Variants in PLCB1 observed in about 807,000 individuals in gnomAD.
PLCB1 encodes the protein 1-phosphatidylinositol 4,5-bisphosphate phosphodiesterase beta-1.
In PLCB1, 46 loss-of-function variants were observed where a neutral mutation model predicts 161.8. The ratio of observed to expected loss-of-function variants is 0.28; its 90% confidence interval spans 0.22 to 0.36. PLCB1 has a LOEUF of 0.36. Among genes scored for constraint, PLCB1 ranks in the 10% least tolerant of loss-of-function variants. The pLI is 1.00. For synonymous variants in PLCB1, 517 were observed against 503.7 expected (o/e 1.03, Z -0.35); for missense variants, 1,016 against 1,472.5 (o/e 0.69, Z 5.07).
At chr20:8,356,670 C>T in intron 2 of PLCB1, among the ~76,000 whole-genome samples, 1 of 152,112 alleles carries the variant, frequency 6.6e-6, no homozygotes, top group South Asian at 2.1e-4. Flanking sequence ...TACATAGAGT[C>T]TTCTGTACTT....
chr20:8,239,731 C>A (rs758793560), intron 2 of PLCB1, among the ~76,000 whole-genome samples: 6 of 151,752 alleles, frequency 4.0e-5, no homozygotes, highest in Admixed American at 6.6e-5. Context: ...TTTTATTAAA[C>A]ACAAAGAATA....
chr20:8,413,702 A>G (rs73090254), intron 3 of PLCB1, among the ~76,000 whole-genome samples: 2,763 of 152,298 alleles, frequency 0.018, 35 homozygotes, highest in Non-Finnish European at 0.026. Context: ...TAAATTCTAG[A>G]TCTTTCTTTA....
At chr20:8,795,856 CTGAG>C (rs1294339396) in intron 31 of PLCB1, among the ~76,000 whole-genome samples, 2 of 141,218 alleles carry the variant, frequency 1.4e-5, no homozygotes, top group East Asian at 4.2e-4. Context: ...GCCTGGGCGA[CTGAG>C]TGAGACCACC....
intron 2 of PLCB1, among the ~76,000 whole-genome samples, chr20:8,313,327 A>G (rs1489975262): frequency 6.6e-6 from 1 of 152,044 alleles, no homozygotes; most frequent in South Asian, 2.1e-4. Context: ...CTGGTGTTTG[A>G]GATGATGGAG....
At chr20:8,457,360 C>T (rs915263435) in intron 3 of PLCB1, among the ~76,000 whole-genome samples, 4 of 152,118 alleles carry the variant, frequency 2.6e-5, no homozygotes, top group Admixed American at 6.5e-5. Context: ...GAGTGACTCT[C>T]AGTTCATTGC....
intron 31 of PLCB1, among the ~76,000 whole-genome samples, chr20:8,869,127 T>A (rs1418460174): frequency 1.3e-5 from 2 of 152,230 alleles, no homozygotes; most frequent in Non-Finnish European, 2.9e-5. Context: ...TTAGAACATC[T>A]TTTGGTATTT....
chr20:8,152,648 T>A lies in PLCB1; in HGVS notation c.177+2277T>A, dbSNP rs115645502. Among the ~76,000 whole-genome samples the A allele has an allele frequency of 2.9e-3, 438 of 151,956 alleles. 1 individual carries two copies. Among genetic ancestry groups the A allele is most frequent in the African/African-American group, 9.0e-3 (374 of 41,370 alleles). ...AATCTCTCAGAAAACAAAAAAAAAA[T>A]GTGATACCTTTAAGTTTATCCCTTG... On this transcript the variant is annotated intron_variant, in intron 2 of 31. Transcript: ENST00000338037.
chr20:8,556,922 A>G (rs1317016513), intron 3 of PLCB1, among the ~76,000 whole-genome samples: 1 of 151,648 alleles, frequency 6.6e-6, no homozygotes, highest in Non-Finnish European at 1.5e-5. Flanking sequence ...AATGTGAATC[A>G]AAACCACAAT....
chr20:8,405,287 G>A (rs528508407), intron 3 of PLCB1, among the ~76,000 whole-genome samples: 7 of 152,078 alleles, frequency 4.6e-5, no homozygotes, highest in Middle Eastern at 3.4e-3. Flanking sequence ...ACTCATCTCC[G>A]CGTGTTTTGT....
intron 2 of PLCB1, among the ~76,000 whole-genome samples, chr20:8,234,667 T>G (rs1029286391): frequency 6.6e-6 from 1 of 152,126 alleles, no homozygotes; most frequent in Non-Finnish European, 1.5e-5. Flanking sequence ...TGTTTGAATA[T>G]CCAGATTTCT....
At chr20:8,398,539 A>G (rs1978390986) in intron 3 of PLCB1, among the ~76,000 whole-genome samples, 1 of 152,030 alleles carries the variant, frequency 6.6e-6, no homozygotes, top group African/African-American at 2.4e-5. Context: ...CTGCATTCTC[A>G]TTGAGTCCTC....
chr20:8,708,813 GT>G, intron 12 of PLCB1, 61 bp downstream of exon 12: 1 of 964,842 alleles, frequency 1.0e-6, no homozygotes, highest in Non-Finnish European at 1.7e-6. Flanking sequence ...CTGAGTAATT[GT>G]TTATCAGATT....
chr20:8,684,833 T>C, intron 9 of PLCB1, 99 bp from the exon 10 acceptor site: 1 of 813,568 alleles, frequency 1.2e-6, no homozygotes, highest in Non-Finnish European at 2.0e-6. Flanking sequence ...TCTTCTACCT[T>C]GGACACTACA....
intron 2 of PLCB1, among the ~76,000 whole-genome samples, chr20:8,235,839 A>G (rs998140224): frequency 6.6e-6 from 1 of 152,104 alleles, no homozygotes; most frequent in African/African-American, 2.4e-5. Flanking sequence ...TGAAGCTGAC[A>G]TTCAAAACCT....
intron 2 of PLCB1, among the ~76,000 whole-genome samples, chr20:8,216,952 C>T (rs1461627498): frequency 6.6e-6 from 1 of 152,148 alleles, no homozygotes; most frequent in Non-Finnish European, 1.5e-5. Flanking sequence ...TATTCTCCCC[C>T]TTACCAGGGA....
chr20:8,702,613 C>T (rs1298510277), intron 11 of PLCB1, among the ~76,000 whole-genome samples: 1 of 152,136 alleles, frequency 6.6e-6, no homozygotes. Flanking sequence ...TAAAGGATTT[C>T]AAGGCCAGTT....
intron 4 of PLCB1, among the ~76,000 whole-genome samples, chr20:8,637,686 C>T (rs75242512): frequency 1.0e-3 from 152 of 152,252 alleles, no homozygotes; most frequent in Non-Finnish European, 1.6e-3. Context: ...AGGAATGTTC[C>T]CTTCGGAAAG....
intron 3 of PLCB1, among the ~76,000 whole-genome samples, chr20:8,403,344 G>A (rs564659856): frequency 1.3e-5 from 2 of 152,092 alleles, no homozygotes; most frequent in South Asian, 2.1e-4. Context: ...TCGCACCACA[G>A]CACTCCTGTC....
intron 3 of PLCB1, among the ~76,000 whole-genome samples, chr20:8,514,226 G>A (rs745780395): frequency 6.6e-6 from 1 of 151,884 alleles, no homozygotes; most frequent in Non-Finnish European, 1.5e-5. Context: ...GATTGCCTGA[G>A]CTCAGGAGTT....
Sources: gnomAD v4.1 joint callset for allele counts (sites outside exome capture counted in the v4.1 genomes callset) on GRCh38, gnomAD v4.1.1 for gene constraint, MANE v1.5 for transcripts, NCBI Gene and HGNC (gene_info 2026-07-23, HGNC 2026-07-21) for gene names.